Variants in TOMM7 observed in about 807,000 individuals in gnomAD.
The protein encoded by TOMM7 is mitochondrial import receptor subunit TOM7 homolog.
In TOMM7, 8 loss-of-function variants were observed where a neutral mutation model predicts 9.5. The ratio of observed to expected loss-of-function variants is 0.84; its 90% CI spans 0.49 to 1.51. The LOEUF is 1.51. TOMM7 is among the 40% of genes most tolerant of loss of function. The pLI is 0.00. For missense variants in TOMM7, 74 were observed against 63.7 expected, an observed-to-expected ratio of 1.16 and a Z score of -0.55; for synonymous variants, 27 against 21.4, an observed-to-expected ratio of 1.26 and a Z score of -0.72.
intron 1 of TOMM7, among the ~76,000 whole-genome samples, chr7:22,818,942 A>G (rs949884926): frequency 2.0e-5 from 3 of 149,920 alleles, no homozygotes; most frequent in East Asian, 4.0e-4. Context: ...AAAAAACACA[A>G]CTGAGGATAT....
At chr7:22,814,344 C>G (rs896749657) in intron 2 of TOMM7, among the ~76,000 whole-genome samples, 3 of 85,960 alleles carry the variant, frequency 3.5e-5, no homozygotes, top group Admixed American at 1.2e-4. Context: ...AGCAAGACTC[C>G]GACTCAAAAA....
intron 1 of TOMM7, chr7:22,822,361 G>C (rs1478346891): frequency 7.5e-7 from 1 of 1,325,484 alleles, no homozygotes; most frequent in Non-Finnish European, 1.0e-6. Flanking sequence ...TAGTGCTAGA[G>C]AGTGAATTAG....
In TOMM7 at chr7:22,814,237, C is replaced by A. The variant is rs542825149; in HGVS notation, c.153-1052G>T. On this transcript the variant is annotated intron_variant, in intron 2 of 2. Transcript: ENST00000358435. ...TGGTGGTGCATGCCTGTAATACCAGCTACTCAGGAGGCTGAGGCAGGAGAA... is the reference window on the plus strand; with the variant it reads ...TGGTGGTGCATGCCTGTAATACCAGATACTCAGGAGGCTGAGGCAGGAGAA... 3.5e-4 allele frequency among the ~76,000 whole-genome samples: 53 copies of A among 151,002 alleles called. 1 individual carries two copies. The South Asian group carries it at 0.011, about 31-fold the overall frequency.
intron 1 of TOMM7, among the ~76,000 whole-genome samples, chr7:22,821,235 C>A (rs1782384835): frequency 6.6e-6 from 1 of 151,322 alleles, no homozygotes; most frequent in African/African-American, 2.4e-5. Context: ...CACGGTGAAA[C>A]CCCGTTTCTA....
intron 1 of TOMM7, among the ~76,000 whole-genome samples, chr7:22,820,920 G>C (rs1782379266): frequency 6.6e-6 from 1 of 151,236 alleles, no homozygotes; most frequent in African/African-American, 2.5e-5. Flanking sequence ...CAGCTGCTTA[G>C]TCAGAGTGTA....
chr7:22,820,343 G>A (rs1004400284), intron 1 of TOMM7, among the ~76,000 whole-genome samples: 1 of 152,212 alleles, frequency 6.6e-6, no homozygotes, highest in Non-Finnish European at 1.5e-5. Flanking sequence ...AATATAGCCA[G>A]TGTGCATAAA....
At chr7:22,822,228 A>G in intron 1 of TOMM7, 1 of 1,550,904 alleles carries the variant, frequency 6.4e-7, no homozygotes, top group East Asian at 2.4e-5. Flanking sequence ...GCATCCAACG[A>G]CTATTATTAT....
At chr7:22,818,767 A>G (rs66540642) in intron 1 of TOMM7, among the ~76,000 whole-genome samples, 11,685 of 152,188 alleles carry the variant, frequency 0.077, 993 homozygotes, top group East Asian at 0.48. Flanking sequence ...TTTTGGAAAA[A>G]CACACAACTA....
chr7:22,817,252 G>T (rs1311638627), intron 2 of TOMM7: 1 of 153,058 alleles, frequency 6.5e-6, no homozygotes, highest in Non-Finnish European at 1.5e-5. Flanking sequence ...CTGTGTGTGT[G>T]AAGTTTTCAC....
intron 1 of TOMM7, chr7:22,818,309 C>T: frequency 3.0e-6 from 1 of 337,156 alleles, no homozygotes; most frequent in South Asian, 3.2e-5. Context: ...CACTCTGTCA[C>T]CCAGGCTGGA....
intron 1 of TOMM7, among the ~76,000 whole-genome samples, chr7:22,821,556 T>C (rs2128182827): frequency 6.6e-6 from 1 of 152,228 alleles, no homozygotes; most frequent in East Asian, 1.9e-4. Context: ...GAGGCCAGCC[T>C]GGCCCACATA....
chr7:22,822,060 G>A, intron 1 of TOMM7: 1 of 1,408,732 alleles, frequency 7.1e-7, no homozygotes, highest in Non-Finnish European at 9.5e-7. Context: ...TAAGACTATG[G>A]GCTCTGATGC....
rs149563394 is a variant in TOMM7 at position 22,822,696 on chromosome 7, G to A, written c.84C>T (p.Ile28=). ...GSQFAIRWGF[I]PLVIYLGFKR... Reference sequence around the variant, plus strand: ...ACTGACCCAGGTAAATCACAAGAGGGATAAAGCCCCAGCGAATGGCAAACT... The same window carrying A: ...ACTGACCCAGGTAAATCACAAGAGGAATAAAGCCCCAGCGAATGGCAAACT... The change falls in exon 1 of 3, where the codon ATC becomes ATT. Residue 28 remains isoleucine, a synonymous_variant. Coordinates refer to ENST00000358435, the MANE Select transcript of TOMM7 (RefSeq NM_019059.5). The A allele has an allele frequency of 3.8e-5, 61 of 1,614,032 alleles. No individual in the cohort carries two copies. The African/African-American group carries it at 6.1e-4, about 16-fold the overall frequency.
At chr7:22,817,023 A>C (rs1279208112) in intron 2 of TOMM7, among the ~76,000 whole-genome samples, 1 of 152,226 alleles carries the variant, frequency 6.6e-6, no homozygotes, top group Non-Finnish European at 1.5e-5. Flanking sequence ...AAAGCCCTAG[A>C]ATAGTCAGTG....
chr7:22,816,214 T>A (rs1256895762), intron 2 of TOMM7, among the ~76,000 whole-genome samples: 3 of 152,200 alleles, frequency 2.0e-5, no homozygotes, highest in Non-Finnish European at 4.4e-5. Flanking sequence ...CCTTATTAGG[T>A]AGGTATTATT....
rs898328684 is a variant in TOMM7, at chr7:22,813,122, C to T, written c.*48G>A. On this transcript the variant is annotated 3_prime_UTR_variant, in exon 3 of 3. Transcript: ENST00000358435. Reference sequence around the variant, plus strand: ...TTATCCGAGCCAGAGCACACATCTTCCATGCTGTCCGCTGATTGCCTCCAA... The same window carrying T: ...TTATCCGAGCCAGAGCACACATCTTTCATGCTGTCCGCTGATTGCCTCCAA... 8 of 1,607,968 alleles carry T rather than the reference C, an allele frequency of 5.0e-6. No individual in the cohort carries two copies. Among genetic ancestry groups the T allele is most frequent in the East Asian group, 4.5e-5 (2 of 44,852 alleles).
At chr7:22,819,481 C>T (rs776477104) in intron 1 of TOMM7, among the ~76,000 whole-genome samples, 6 of 152,192 alleles carry the variant, frequency 3.9e-5, no homozygotes, top group Non-Finnish European at 8.8e-5. Flanking sequence ...AGCGATTCTC[C>T]TGCCTCAGCC....
Position 22,818,000 on chromosome 7 carries a change from C to T in TOMM7, c.152G>A (p.Ser51Asn). ...AAATGTTTAGTTTTAAGAGCAGTAC[C>T]TCAAAACAGTTGGTTCAGGCATTCC... Reference protein sequence around the residue: ...DPGMPEPTVLSLLWG With the variant: ...DPGMPEPTVLNLLWG The change falls in exon 2 of 3, where the codon AGC (serine) becomes AAC (asparagine). Residue 51 changes from serine to asparagine, a missense_variant and splice_region_variant. Coordinates refer to ENST00000358435, the MANE Select transcript of TOMM7 (RefSeq NM_019059.5). 2 of 1,613,820 alleles carry T rather than the reference C, an allele frequency of 1.2e-6. No homozygotes were observed. Among genetic ancestry groups the T allele is most frequent in the Non-Finnish European group, 1.7e-6 (2 of 1,179,858 alleles).
intron 2 of TOMM7, among the ~76,000 whole-genome samples, chr7:22,814,226 T>C (rs1782287976): frequency 6.6e-6 from 1 of 150,486 alleles, no homozygotes; most frequent in South Asian, 2.1e-4. Context: ...GGTGCATGCC[T>C]GTAATACCAG....
Sources: allele counts gnomAD v4.1 joint callset (sites outside exome capture counted in the v4.1 genomes callset), GRCh38; gene constraint gnomAD v4.1.1; transcripts MANE v1.5; gene names NCBI Gene and HGNC (gene_info 2026-07-23, HGNC 2026-07-21).